Variants in CCND3 observed in about 807,000 individuals in gnomAD.
The protein encoded by CCND3 is cyclin D3.
CCND3 carries 9 observed loss-of-function variants against 28.7 expected under a neutral mutation model. The observed-to-expected ratio is 0.31, with a 90% CI of 0.19 to 0.55. CCND3 has a LOEUF of 0.55. Ranked by LOEUF, CCND3 falls within the 20% of genes least tolerant of loss-of-function variation. The pLI is 0.93. For missense variants in CCND3, 315 were observed against 385.8 expected (o/e 0.82, Z 1.54); for synonymous variants, 164 against 163.9 (o/e 1.00, Z 0.00).
At chr6:41,999,168 A>AT (rs1330559728) in intron 1 of CCND3, among the ~76,000 whole-genome samples, 2 of 152,162 alleles carry the variant, frequency 1.3e-5, no homozygotes, top group Non-Finnish European at 2.9e-5. Flanking sequence ...GGTGGCTGAG[A>AT]TAGCGCCATT....
intron 1 of CCND3, among the ~76,000 whole-genome samples, chr6:42,043,266 G>A (rs896467860): frequency 1.3e-5 from 2 of 152,062 alleles, no homozygotes; most frequent in African/African-American, 2.4e-5. Context: ...TGCTGGGCGC[G>A]GTGGCTTACA....
chr6:42,025,029 G>T (rs1487845559), intron 1 of CCND3, among the ~76,000 whole-genome samples: 1 of 152,210 alleles, frequency 6.6e-6, no homozygotes, highest in Non-Finnish European at 1.5e-5. Context: ...CTGCACTCCA[G>T]CTTGGGTGAC....
intron 1 of CCND3, among the ~76,000 whole-genome samples, chr6:42,027,240 C>T (rs573832587): frequency 1.3e-5 from 2 of 152,174 alleles, no homozygotes; most frequent in South Asian, 4.2e-4. Context: ...GGGATCGAGA[C>T]CATCCTGGCT....
At chr6:42,014,134 G>T (rs1401314913) in intron 1 of CCND3, among the ~76,000 whole-genome samples, 1 of 151,752 alleles carries the variant, frequency 6.6e-6, no homozygotes, top group Non-Finnish European at 1.5e-5. Context: ...GGGAGGCCAA[G>T]GCGGGTGGAT....
intron 1 of CCND3, among the ~76,000 whole-genome samples, chr6:42,033,444 C>T (rs1005212039): frequency 7.2e-5 from 10 of 139,160 alleles, no homozygotes; most frequent in Non-Finnish European, 1.6e-5. Context: ...AGCGAGACTC[C>T]ATCTAAAAAA....
In CCND3 at chr6:41,936,510, G is replaced by T; in HGVS notation, c.711+49C>A. 1 of 1,606,162 alleles carries T rather than the reference G, an allele frequency of 6.2e-7. No individual in the cohort carries two copies. Among genetic ancestry groups the T allele is most frequent in the Non-Finnish European group, 8.5e-7 (1 of 1,174,834 alleles). On this transcript the variant is annotated intron_variant, in intron 4 of 4. Transcript: ENST00000372991. The surrounding 1 kb of genome is among the most constrained non-coding windows in gnomAD (Gnocchi z 4.4). ...CCCTCTACTGGAGGCTCAGGGCATA[G>T]CACTACTTTATGAATGGAGAGGCTG...
chr6:42,019,514 G>C (rs929244186), intron 1 of CCND3, among the ~76,000 whole-genome samples: 4 of 139,576 alleles, frequency 2.9e-5, no homozygotes, highest in Non-Finnish European at 1.6e-5. Flanking sequence ...AAAAAGGAAA[G>C]GAAATATAAC....
intron 1 of CCND3, among the ~76,000 whole-genome samples, chr6:41,948,162 C>G (rs553822404): frequency 6.6e-6 from 1 of 152,160 alleles, no homozygotes; most frequent in Admixed American, 6.5e-5. Context: ...GCCAGCTCCC[C>G]AGCCCTGACA....
chr6:41,940,481 G>C lies in CCND3; in HGVS notation c.303C>G (p.Leu101=), dbSNP rs535797704. 10 of 1,614,034 alleles carry C rather than the reference G, an allele frequency of 6.2e-6. No individual in the cohort carries two copies. In the South Asian group the frequency reaches 9.9e-5, roughly 16 times the overall value. The part of the protein sequence containing the change: ...CVPTRKAQLQ[L]LGAVCMLLAS... Reference sequence around the variant, plus strand: ...CCAGCAGCATGCAGACCGCACCCAGGAGCTGCAACTGCGCCTTTCGGGTGG... The same window carrying C: ...CCAGCAGCATGCAGACCGCACCCAGCAGCTGCAACTGCGCCTTTCGGGTGG... The change falls in exon 2 of 5, where the codon CTC becomes CTG. Residue 101 remains leucine, a synonymous_variant. Coordinates refer to ENST00000372991, the MANE Select transcript of CCND3 (RefSeq NM_001760.5).
At chr6:42,044,956 C>CTTTTTTTTTTTTTT (rs1562002036) in intron 1 of CCND3, among the ~76,000 whole-genome samples, 2 of 123,952 alleles carry the variant, frequency 1.6e-5, no homozygotes, top group African/African-American at 6.2e-5. Context: ...GCCCGGCTAA[C>CTTTTTTTTTTTTTT]GTTTTTTTTT....
chr6:42,000,564 C>CTTTTTTT (rs774090777), intron 1 of CCND3, among the ~76,000 whole-genome samples: 1,736 of 85,490 alleles, frequency 0.02, 359 homozygotes, highest in African/African-American at 0.072. Context: ...TGAAACGAAT[C>CTTTTTTT]TTTTTTTTTT....
At chr6:41,987,760 C>G (rs927897644) in intron 1 of CCND3, among the ~76,000 whole-genome samples, 2 of 151,474 alleles carry the variant, frequency 1.3e-5, no homozygotes, top group Non-Finnish European at 2.9e-5. Flanking sequence ...CCTTGGCCTC[C>G]CAAAGTGCTG....
At chr6:42,000,151 A>G (rs560828780) in intron 1 of CCND3, among the ~76,000 whole-genome samples, 1 of 151,876 alleles carries the variant, frequency 6.6e-6, no homozygotes, top group South Asian at 2.1e-4. Flanking sequence ...TTCAAAAAAA[A>G]TCAGTATTAT....
intron 1 of CCND3, among the ~76,000 whole-genome samples, chr6:41,967,916 A>T (rs1177606501): frequency 6.6e-6 from 1 of 152,200 alleles, no homozygotes; most frequent in Non-Finnish European, 1.5e-5. Context: ...GAGTAGGCCA[A>T]ATCATTCTAA....
Position 41,937,308 on chromosome 6 carries a change from C to T in CCND3, c.501G>A (p.Arg167=), listed in dbSNP as rs2127391214. Reference sequence around the variant, plus strand: ...CCTGTCGGTCACGGGGCAGAGAGAGCCGGTGCAGAATGAAGGCCAGGAAAT... The same window carrying T: ...CCTGTCGGTCACGGGGCAGAGAGAGTCGGTGCAGAATGAAGGCCAGGAAAT... ...AHDFLAFILH[R]LSLPRDRQAL... is the part of the protein sequence containing the mutation. Residue 167 remains arginine (R), a synonymous_variant, in exon 3 of 5, where the codon CGG becomes CGA. Coordinates refer to ENST00000372991, the MANE Select transcript of CCND3 (RefSeq NM_001760.5). The T allele has an allele frequency of 6.2e-7, 1 of 1,614,128 alleles. No homozygotes were observed. The highest frequency in any genetic ancestry group is 8.5e-7 in the Non-Finnish European group (1 of 1,180,020).
chr6:41,990,037 G>T (rs1762603959), intron 1 of CCND3, among the ~76,000 whole-genome samples: 1 of 152,122 alleles, frequency 6.6e-6, no homozygotes, highest in Non-Finnish European at 1.5e-5. Flanking sequence ...GTTTGCAGAT[G>T]ACATAATCCT....
intron 1 of CCND3, among the ~76,000 whole-genome samples, chr6:41,952,212 T>C (rs1434003274): frequency 6.6e-6 from 1 of 152,212 alleles, no homozygotes; most frequent in African/African-American, 2.4e-5. Flanking sequence ...GTGCCAGCCA[T>C]ACAGCTAGCA....
chr6:42,024,187 A>C (rs1440420852), intron 1 of CCND3, among the ~76,000 whole-genome samples: 1 of 151,848 alleles, frequency 6.6e-6, no homozygotes, highest in African/African-American at 2.4e-5. Context: ...GTGGATCACG[A>C]GGTCAGGAGA....
intron 1 of CCND3, among the ~76,000 whole-genome samples, chr6:41,962,898 G>A (rs1302488509): frequency 2.0e-5 from 3 of 152,138 alleles, no homozygotes; most frequent in Non-Finnish European, 4.4e-5. Context: ...CTACAGGCGC[G>A]TGCCACCATA....
Sources: allele counts gnomAD v4.1 joint callset (sites outside exome capture counted in the v4.1 genomes callset), GRCh38; gene constraint gnomAD v4.1.1; non-coding constraint Gnocchi (gnomAD v3.1); transcripts MANE v1.5; gene names NCBI Gene and HGNC (gene_info 2026-07-23, HGNC 2026-07-21).